NHERF1: variants seen among roughly 807,000 people sequenced by gnomAD.
NHERF1 encodes Na(+)/H(+) exchange regulatory cofactor NHE-RF1.
the NHERF1 span, chr17:74,767,011 T>A: frequency 6.3e-7 from 1 of 1,598,336 alleles, no homozygotes; most frequent in South Asian, 1.1e-5. Flanking sequence ...TGGATTTCAA[T>A]CCTTGGGGTG....
the NHERF1 span, chr17:74,748,877 C>G: frequency 6.3e-7 from 1 of 1,596,826 alleles, no homozygotes; most frequent in Non-Finnish European, 8.5e-7. The surrounding 1 kb of genome is among the most constrained non-coding windows in gnomAD (Gnocchi z 4.3). Context: ...CGGGGCGCCC[C>G]TGCCCCGGCT....
chr17:74,756,795 T>G, the NHERF1 span, among the ~76,000 whole-genome samples: 2 of 152,204 alleles, frequency 1.3e-5, no homozygotes, highest in African/African-American at 4.8e-5. Context: ...GGACTATAAT[T>G]GGCTCTTAAG....
chr17:74,758,691 G>T, the NHERF1 span, among the ~76,000 whole-genome samples: 1 of 151,730 alleles, frequency 6.6e-6, no homozygotes, highest in Non-Finnish European at 1.5e-5. This position sits in a 1 kb window ranked among gnomAD's most constrained non-coding sequence, Gnocchi z 4.3. Context: ...CTAAGATCCT[G>T]GGGGCCACAC....
chr17:74,752,680 G>T, the NHERF1 span, among the ~76,000 whole-genome samples: 1 of 152,170 alleles, frequency 6.6e-6, no homozygotes, highest in Non-Finnish European at 1.5e-5. Flanking sequence ...TCTTTGTAGA[G>T]ATGGAGTTTC....
the NHERF1 span, chr17:74,748,857 A>T: frequency 6.3e-7 from 1 of 1,593,114 alleles, no homozygotes; most frequent in Non-Finnish European, 8.5e-7. This position sits in a 1 kb window ranked among gnomAD's most constrained non-coding sequence, Gnocchi z 4.3. Context: ...ATGAGCGCGG[A>T]CGCAGCGGCC....
chr17:74,768,310 A>G, the NHERF1 span: 1 of 1,394,118 alleles, frequency 7.2e-7, no homozygotes, highest in Non-Finnish European at 1.0e-6. Context: ...TTCCTGGCAC[A>G]CCAGCCTGCC....
the NHERF1 span, among the ~76,000 whole-genome samples, chr17:74,760,977 G>A: frequency 2.0e-5 from 3 of 152,238 alleles, no homozygotes; most frequent in African/African-American, 7.2e-5. The surrounding 1 kb of genome is among the most constrained non-coding windows in gnomAD (Gnocchi z 4.5). Flanking sequence ...CCCTGCACCA[G>A]GCCTGGAGGA....
chr17:74,755,025 G>A, the NHERF1 span, among the ~76,000 whole-genome samples: 3 of 152,152 alleles, frequency 2.0e-5, no homozygotes, highest in African/African-American at 7.2e-5. Flanking sequence ...CTGAGCTAGC[G>A]ACTCCTCCCA....
chr17:74,750,142 C>T, the NHERF1 span, among the ~76,000 whole-genome samples: 1 of 152,178 alleles, frequency 6.6e-6, no homozygotes, highest in African/African-American at 2.4e-5. Flanking sequence ...GTGGTCTTGC[C>T]CTGGCCTTGC....
the NHERF1 span, among the ~76,000 whole-genome samples, chr17:74,751,377 G>A: frequency 6.6e-6 from 1 of 152,272 alleles, no homozygotes; most frequent in Non-Finnish European, 1.5e-5. The surrounding 1 kb of genome is among the most constrained non-coding windows in gnomAD (Gnocchi z 4.3). Flanking sequence ...ATCAAATGGA[G>A]GTTTGCCAAT....
the NHERF1 span, among the ~76,000 whole-genome samples, chr17:74,760,039 A>C: frequency 1.3e-5 from 2 of 152,172 alleles, no homozygotes; most frequent in African/African-American, 2.4e-5. This position sits in a 1 kb window ranked among gnomAD's most constrained non-coding sequence, Gnocchi z 4.5. Context: ...CCACTTTCTC[A>C]GGGTGTCTGG....
At chr17:74,762,604 G>C in the NHERF1 span, among the ~76,000 whole-genome samples, 3 of 151,562 alleles carry the variant, frequency 2.0e-5, no homozygotes, top group South Asian at 6.2e-4. The surrounding 1 kb of genome is among the most constrained non-coding windows in gnomAD (Gnocchi z 4.2). Flanking sequence ...GCCCAGGCTG[G>C]GGGAGTGCAG....
chr17:74,754,561 C>G, the NHERF1 span, among the ~76,000 whole-genome samples: 1 of 152,010 alleles, frequency 6.6e-6, no homozygotes, highest in African/African-American at 2.4e-5. Context: ...CGCCACCACA[C>G]CCTGCTAATT....
the NHERF1 span, among the ~76,000 whole-genome samples, chr17:74,760,226 G>A: frequency 1.3e-5 from 2 of 152,156 alleles, no homozygotes; most frequent in African/African-American, 4.8e-5. This position sits in a 1 kb window ranked among gnomAD's most constrained non-coding sequence, Gnocchi z 4.5. Flanking sequence ...AGTGCCGGGG[G>A]GTGAGCCTGG....
chr17:74,768,005 G>C, the NHERF1 span: 2 of 770,652 alleles, frequency 2.6e-6, no homozygotes. Context: ...AGGCTCAGGA[G>C]GTGGGAACCA....
At chr17:74,763,206 G>C in the NHERF1 span, 1 of 649,448 alleles carries the variant, frequency 1.5e-6, no homozygotes, top group South Asian at 2.0e-5. Context: ...CCCCAGCCTA[G>C]TTCAGGACTC....
the NHERF1 span, among the ~76,000 whole-genome samples, chr17:74,758,690 TG>T: frequency 1.4e-3 from 208 of 152,138 alleles, 1 homozygote; most frequent in African/African-American, 4.8e-3. This position sits in a 1 kb window ranked among gnomAD's most constrained non-coding sequence, Gnocchi z 4.3. Context: ...CCTAAGATCC[TG>T]GGGGCCACAC....
At chr17:74,757,716 C>G in the NHERF1 span, among the ~76,000 whole-genome samples, 4 of 152,206 alleles carry the variant, frequency 2.6e-5, no homozygotes, top group Non-Finnish European at 5.9e-5. Context: ...AAATATGGCT[C>G]TTACACCCAA....
the NHERF1 span, among the ~76,000 whole-genome samples, chr17:74,758,344 CG>C: frequency 6.6e-6 from 1 of 152,140 alleles, no homozygotes; most frequent in Non-Finnish European, 1.5e-5. This position sits in a 1 kb window ranked among gnomAD's most constrained non-coding sequence, Gnocchi z 4.3. Flanking sequence ...GAGGAGGCCC[CG>C]GGAGAAGGGT....
Sources: gnomAD v4.1 joint callset for allele counts (sites outside exome capture counted in the v4.1 genomes callset) on GRCh38, gnomAD v4.1.1 for gene constraint, Gnocchi (gnomAD v3.1) non-coding constraint, MANE v1.5 for transcripts, NCBI Gene and HGNC (gene_info 2026-07-23, HGNC 2026-07-21) for gene names.